GARNL3: variants seen among roughly 807,000 people sequenced by gnomAD.
The protein encoded by GARNL3 is GTPase activating Rap/RanGAP domain like 3, also known as GTPase-activating Rap/Ran-GAP domain-like protein 3.
GARNL3 carries 63 observed loss-of-function variants against 125.0 expected under a neutral mutation model. The observed-to-expected ratio is 0.50, with a 90% CI of 0.41 to 0.62. GARNL3 has a LOEUF of 0.62. Ranked by LOEUF, GARNL3 falls within the 20% of genes least tolerant of loss-of-function variation. The pLI, the probability that GARNL3 is intolerant of heterozygous loss-of-function variation, is 0.00. For synonymous variants in GARNL3, 439 were observed against 457.5 expected (o/e 0.96, Z 0.52); for missense variants, 994 against 1,244.0 (o/e 0.80, Z 3.02).
intron 6 of GARNL3, among the ~76,000 whole-genome samples, chr9:127,323,859 G>A (rs1039969647): frequency 3.3e-5 from 5 of 152,098 alleles, no homozygotes; most frequent in Non-Finnish European, 7.4e-5. Flanking sequence ...AGTAAACCAT[G>A]GAAAGAGAGA....
Position 127,392,679 on chromosome 9 carries a change from A to T in GARNL3, c.2871-404A>T, listed in dbSNP as rs1588993992. Among the ~76,000 whole-genome samples the T allele has an allele frequency of 6.6e-6, 1 of 152,352 alleles. No individual in the cohort carries two copies. The highest frequency in any genetic ancestry group is 2.1e-4 in the South Asian group (1 of 4,826). On this transcript the variant is annotated intron_variant, in intron 27 of 27. Coordinates refer to ENST00000373387, the MANE Select transcript of GARNL3 (RefSeq NM_032293.5). The surrounding 1 kb of genome is among the most constrained non-coding windows in gnomAD (Gnocchi z 5.2). ...ATATGCAGCTATTGAGAGAGTCCTG[A>T]GGAGCTGGAGGAAACAGAGGGAGTC...
Position 127,384,951 on chromosome 9 carries a change from T to G in GARNL3, c.2270-76T>G. On this transcript the variant is annotated intron_variant, in intron 23 of 27. Transcript: ENST00000373387. This position sits in a 1 kb window ranked among gnomAD's most constrained non-coding sequence, Gnocchi z 4.0. ...ATGGAAGTTTCTAGAGAAGTGAGTG[T>G]GACTATGACACAGTCACAGCCCCTT... The G allele has an allele frequency of 2.7e-6, 2 of 731,420 alleles. No individual in the cohort carries two copies. Among genetic ancestry groups the G allele is most frequent in the Non-Finnish European group, 4.5e-6 (2 of 440,472 alleles). The allele number at this position is 731,420 out of a possible 1,614,324, so 45.3% of individuals were successfully genotyped here. A position where few individuals can be genotyped will look rare whatever the true frequency, so the allele number is the denominator to read the frequency against.
chr9:127,226,748 C>A (rs917805921), intron 1 of GARNL3, among the ~76,000 whole-genome samples: 4 of 152,198 alleles, frequency 2.6e-5, no homozygotes, highest in African/African-American at 9.7e-5. Flanking sequence ...GTGTAGTTAC[C>A]CAGGTAGTAT....
upstream of GARNL3, among the ~76,000 whole-genome samples, chr9:127,261,397 T>A (rs1588703762): frequency 6.7e-6 from 1 of 149,848 alleles, no homozygotes; most frequent in Non-Finnish European, 1.5e-5. Flanking sequence ...GGAAGGTGTT[T>A]TTTTTGTTGG....
rs762728693 is a variant in GARNL3, at chr9:127,307,818, AAT to A, written c.220-3816_220-3815del. Among the ~76,000 whole-genome samples the A allele has an allele frequency of 3.9e-5, 6 of 152,324 alleles. No individual in the cohort carries two copies. The East Asian group carries it at 9.6e-4, about 24-fold the overall frequency. On this transcript the variant is annotated intron_variant, in intron 2 of 27. Transcript: ENST00000373387. ...TTTTAGAAATACTAAAAAATAAAAA[AAT>A]AAAAAGATAAAAAGTTTACTCTCTA... is the stretch of plus-strand genomic sequence containing the variant.
Position 127,353,901 on chromosome 9 carries a change from T to A in GARNL3, c.1599T>A (p.His533Gln). The A allele has an allele frequency of 6.2e-7, 1 of 1,613,918 alleles. No homozygotes were observed. Among genetic ancestry groups the A allele is most frequent in the Non-Finnish European group, 8.5e-7 (1 of 1,179,798 alleles). ...GAACTCTGCCAGTGAAGCAAATGCATGTGCTTGAGACCCTGGACCTTCTGG... is the reference window on the plus strand; with the variant it reads ...GAACTCTGCCAGTGAAGCAAATGCAAGTGCTTGAGACCCTGGACCTTCTGG... ...FDRTLPVKQM[H>Q]VLETLDLLVL... The change falls in exon 18 of 28, where the codon CAT (histidine) becomes CAA (glutamine). Residue 533 changes from histidine (H) to glutamine (Q), a missense_variant. Around this residue, in one of 5 missense-constraint regions of GARNL3, gnomAD observed 728 missense variants for 865.7 expected, o/e 0.84. Coordinates refer to ENST00000373387, the MANE Select transcript of GARNL3 (RefSeq NM_032293.5).
rs114095298 is a variant in GARNL3, at chr9:127,320,864, T to C, written c.567+86T>C. On this transcript the variant is annotated intron_variant, in intron 6 of 27. Coordinates refer to ENST00000373387, the MANE Select transcript of GARNL3 (RefSeq NM_032293.5). Reference sequence around the variant, plus strand: ...TGACAGGTCATCATAATCCTTATCCTGGGATGCAAAGCCAAATCACCTATG... The same window carrying C: ...TGACAGGTCATCATAATCCTTATCCCGGGATGCAAAGCCAAATCACCTATG... 217 of 896,934 alleles carry C rather than the reference T, an allele frequency of 2.4e-4. No individual in the cohort carries two copies. In the African/African-American group the frequency reaches 3.3e-3, roughly 14 times the overall value. The allele number at this position is 896,934 out of a possible 1,614,324, so 55.6% of individuals were successfully genotyped here.
intron 14 of GARNL3, 68 bp downstream of exon 14, chr9:127,342,402 CA>C: frequency 9.7e-7 from 1 of 1,026,584 alleles, no homozygotes; most frequent in Non-Finnish European, 1.5e-6. Context: ...GTCCTCAACT[CA>C]GCGATGAGGC....
Position 127,385,097 on chromosome 9 carries a change from C to G in GARNL3, c.2340C>G (p.Asn780Lys), listed in dbSNP as rs1289540882. The G allele has an allele frequency of 1.9e-6, 3 of 1,612,820 alleles. No homozygotes were observed. Among genetic ancestry groups the G allele is most frequent in the African/African-American group, 1.3e-5 (1 of 75,034 alleles). The change falls in exon 24 of 28, where the codon AAC becomes AAG. Residue 780 changes from asparagine (N) to lysine (K), a missense_variant. This residue lies in a region of GARNL3 where 728 missense variants were observed against 865.7 expected (regional missense o/e 0.84). Coordinates refer to ENST00000373387, the MANE Select transcript of GARNL3 (RefSeq NM_032293.5). This position sits in a 1 kb window ranked among gnomAD's most constrained non-coding sequence, Gnocchi z 4.1. ...SMEIRLVVNGNLVHTAVVPQL... is the reference protein window; with the variant it reads ...SMEIRLVVNGKLVHTAVVPQL... ...AGATCCGCCTGGTGGTGAACGGGAA[C>G]CTGGTCCACACTGCAGTCGTGCCGC...
intron 1 of GARNL3, among the ~76,000 whole-genome samples, chr9:127,239,090 C>A (rs1457342903): frequency 6.6e-6 from 1 of 152,208 alleles, no homozygotes; most frequent in Admixed American, 6.5e-5. Context: ...ATCTGACCCC[C>A]CTGGCAGGGC....
chr9:127,379,162 C>A lies in GARNL3; in HGVS notation c.2162-4276C>A, dbSNP rs542030435. 3.9e-5 allele frequency among the ~76,000 whole-genome samples: 6 copies of A among 152,272 alleles called. No homozygotes were observed. The East Asian group carries it at 1.2e-3, about 29-fold the overall frequency. On this transcript the variant is annotated intron_variant, in intron 22 of 27. Transcript: ENST00000373387. ...GGGTGAATGCAGAAGCAAAGCAAAGCAAGTATTTGATTTGCTAAAATGGAG... is the reference window on the plus strand; with the variant it reads ...GGGTGAATGCAGAAGCAAAGCAAAGAAAGTATTTGATTTGCTAAAATGGAG...
intron 17 of GARNL3, among the ~76,000 whole-genome samples, chr9:127,352,251 G>T (rs1458889044): frequency 6.6e-6 from 1 of 152,178 alleles, no homozygotes; most frequent in African/African-American, 2.4e-5. Flanking sequence ...ATTAACACCA[G>T]GCCTCAGGCT....
At chr9:127,252,729 T>C (rs2063427851) in intron 2 of GARNL3, among the ~76,000 whole-genome samples, 1 of 152,258 alleles carries the variant, frequency 6.6e-6, no homozygotes, top group Non-Finnish European at 1.5e-5. Flanking sequence ...GATCTTTGTT[T>C]TGGAATTTTT....
At chr9:127,246,374 C>G (rs1362783199) in intron 2 of GARNL3, among the ~76,000 whole-genome samples, 1 of 151,924 alleles carries the variant, frequency 6.6e-6, no homozygotes, top group East Asian at 1.9e-4. Flanking sequence ...ATCTGGTAAG[C>G]GTATGGGTTG....
intron 22 of GARNL3, among the ~76,000 whole-genome samples, chr9:127,368,860 A>G (rs1237552014): frequency 3.3e-5 from 5 of 152,010 alleles, no homozygotes; most frequent in Non-Finnish European, 7.4e-5. Flanking sequence ...GCTTGAGCCC[A>G]GAAGGTGGAG....
Position 127,378,272 on chromosome 9 carries a change from TAA to T in GARNL3, c.2162-5162_2162-5161del, listed in dbSNP as rs1259060968. 2.9e-3 allele frequency among the ~76,000 whole-genome samples: 409 copies of T among 140,582 alleles called. 3 individuals are homozygous for T. The highest frequency in any genetic ancestry group is 0.01 in the African/African-American group (380 of 37,422). The allele number at this position is 140,582 out of a possible 152,430, so 92.2% of individuals were successfully genotyped here. On this transcript the variant is annotated intron_variant, in intron 22 of 27. Coordinates refer to ENST00000373387, the MANE Select transcript of GARNL3 (RefSeq NM_032293.5). ...AAAAAAAAAAAAAAAATCATTAACA[TAA>T]AAAGAGATCTTACATATCAAAAAGA...
chr9:127,298,551 C>G (rs1375552502), intron 2 of GARNL3, among the ~76,000 whole-genome samples: 4 of 152,178 alleles, frequency 2.6e-5, no homozygotes, highest in Admixed American at 6.5e-5. Flanking sequence ...TACACCATCA[C>G]TTCTTTATTT....
intron 2 of GARNL3, among the ~76,000 whole-genome samples, chr9:127,249,077 C>T (rs1197001753): frequency 6.6e-6 from 1 of 150,716 alleles, no homozygotes; most frequent in Non-Finnish European, 1.5e-5. Flanking sequence ...CCTTTTTCTT[C>T]CCTGTCTTAA....
Position 127,360,304 on chromosome 9 carries a change from G to C in GARNL3, c.2094+2927G>C, listed in dbSNP as rs1018622714. Among the ~76,000 whole-genome samples the C allele has an allele frequency of 2.0e-5, 3 of 152,154 alleles. No individual in the cohort carries two copies. The East Asian group carries it at 5.8e-4, about 29-fold the overall frequency. ...CCCAAAGTGCTAGGATTACAGGTGT[G>C]AGCCACCGCACCCGGCCAAGAAAAA... On this transcript the variant is annotated intron_variant, in intron 21 of 27. Transcript: ENST00000373387.
Sources: allele counts gnomAD v4.1 joint callset (sites outside exome capture counted in the v4.1 genomes callset), GRCh38; gene constraint gnomAD v4.1.1; regional missense constraint gnomAD v4.1.1; non-coding constraint Gnocchi (gnomAD v3.1); transcripts MANE v1.5; gene names NCBI Gene and HGNC (gene_info 2026-07-23, HGNC 2026-07-21).